The following PROM1 variants were observed in gnomAD, a reference collection of about 807,000 sequenced individuals.
The protein encoded by PROM1 is prominin-1.
PROM1 carries 105 observed loss-of-function variants against 116.9 expected under a neutral mutation model. The observed-to-expected ratio is 0.90, with a 90% CI of 0.77 to 1.06. PROM1 has a LOEUF of 1.06. Among genes scored for constraint, PROM1 ranks in the 50% least tolerant of loss-of-function variants. PROM1 has a pLI of 0.00. For missense variants in PROM1, 1,122 were observed against 1,045.2 expected (o/e 1.07, Z -1.01); for synonymous variants, 393 against 387.0 (o/e 1.02, Z -0.18).
At chr4:15,970,978 T>C (rs1204258913) in intron 27 of PROM1, 65 bp downstream of exon 27, 1 of 1,267,302 alleles carries the variant, frequency 7.9e-7, no homozygotes, top group Non-Finnish European at 1.1e-6. Context: ...TAGCTATGTT[T>C]TGATGTTCTA....
chr4:16,050,504 C>G (rs1330659388), intron 2 of PROM1, among the ~76,000 whole-genome samples: 3 of 152,124 alleles, frequency 2.0e-5, no homozygotes, highest in African/African-American at 7.2e-5. Flanking sequence ...CCGTCATGTG[C>G]CACCACATCC....
chr4:16,017,913 T>C (rs1045789199), intron 9 of PROM1, among the ~76,000 whole-genome samples: 1 of 152,246 alleles, frequency 6.6e-6, no homozygotes. Context: ...CTTCATGTAA[T>C]CCAAGTTGTT....
At chr4:15,972,043 A>AT (rs1714684947) in intron 26 of PROM1, 1 of 152,204 alleles carries the variant, frequency 6.6e-6, no homozygotes, top group Admixed American at 6.5e-5. Flanking sequence ...GAAGGACTGT[A>AT]GGCTCTGGCA....
Position 15,979,426 on chromosome 4 carries a change from C to T in PROM1, c.2551G>A (p.Val851Ile), listed in dbSNP as rs201910962. Reference protein sequence around the residue: ...NGNNGYHKDHVYGIHNPVMTS... With the variant: ...NGNNGYHKDHIYGIHNPVMTS... ...ATAACAGGATTGTGAATACCATATA[C>T]ATGATCTTTATGATAACCATTATTA... Residue 851 changes from valine (V) to isoleucine (I), a missense_variant, in exon 26 of 28, where the codon GTA becomes ATA. Transcript: ENST00000447510. The T allele has an allele frequency of 5.9e-5, 95 of 1,613,228 alleles. No individual in the cohort carries two copies. In the East Asian group the frequency reaches 2.1e-3, roughly 36 times the overall value.
At chr4:15,987,755 G>T in intron 19 of PROM1, 39 bp from the exon 20 acceptor site, 1 of 1,541,938 alleles carries the variant, frequency 6.5e-7, no homozygotes, top group Non-Finnish European at 8.9e-7. Flanking sequence ...ATTATTACAT[G>T]AAGCAGCAAG....
intron 11 of PROM1, among the ~76,000 whole-genome samples, chr4:16,012,487 A>G (rs1727134724): frequency 6.6e-6 from 1 of 152,182 alleles, no homozygotes; most frequent in Non-Finnish European, 1.5e-5. Context: ...CAACCTAAGG[A>G]GCCTAAAATA....
intron 23 of PROM1, among the ~76,000 whole-genome samples, chr4:15,982,058 T>C (rs1718103936): frequency 6.6e-6 from 1 of 152,228 alleles, no homozygotes; most frequent in Non-Finnish European, 1.5e-5. Context: ...ACACACAATG[T>C]ATAGATGTCA....
At chr4:16,016,026 GGAA>G in intron 10 of PROM1, 137 bp downstream of exon 10, 1 of 703,728 alleles carries the variant, frequency 1.4e-6, no homozygotes. Context: ...ACAATTGCCT[GGAA>G]GGTAATAGCT....
intron 8 of PROM1, among the ~76,000 whole-genome samples, chr4:16,019,311 A>AAATTTTG (rs546872792): frequency 1.3e-5 from 2 of 152,252 alleles, no homozygotes; most frequent in South Asian, 2.1e-4. Context: ...ATCGTACTTC[A>AAATTTTG]AATTTTGAAT....
chr4:16,080,337 G>A (rs183834733), intron 1 of PROM1, among the ~76,000 whole-genome samples: 2,808 of 151,520 alleles, frequency 0.019, 98 homozygotes, highest in African/African-American at 0.065. Flanking sequence ...TGGCTAACAT[G>A]GTGAAACCCT....
intron 27 of PROM1, among the ~76,000 whole-genome samples, chr4:15,970,745 G>A (rs1714322048): frequency 6.6e-6 from 1 of 151,910 alleles, no homozygotes; most frequent in Non-Finnish European, 1.5e-5. Flanking sequence ...CTAATACAAT[G>A]TAAGTGTTAT....
intron 4 of PROM1, 67 bp downstream of exon 4, chr4:16,035,668 T>G: frequency 7.0e-7 from 1 of 1,428,598 alleles, no homozygotes. Flanking sequence ...ATCTTCACAG[T>G]GAGGATGACA....
chr4:16,013,444 A>C, intron 10 of PROM1, 106 bp from the exon 11 acceptor site: 1 of 743,358 alleles, frequency 1.3e-6, no homozygotes, highest in Non-Finnish European at 2.4e-6. Context: ...AAATAAAAAT[A>C]TAACATTCAT....
chr4:16,016,108 C>G, intron 10 of PROM1, 58 bp downstream of exon 10: 1 of 1,402,508 alleles, frequency 7.1e-7, no homozygotes, highest in East Asian at 2.5e-5. Flanking sequence ...TTCTTATGTA[C>G]TAGTCCACCC....
At chr4:16,007,226 A>T (rs1309469585) in intron 12 of PROM1, among the ~76,000 whole-genome samples, 1 of 152,228 alleles carries the variant, frequency 6.6e-6, no homozygotes, top group East Asian at 1.9e-4. Context: ...ACCAGATTAC[A>T]TGGCAGATGC....
At chr4:16,060,026 A>G (rs374487292) in intron 2 of PROM1, among the ~76,000 whole-genome samples, 2 of 152,200 alleles carry the variant, frequency 1.3e-5, no homozygotes, top group African/African-American at 4.8e-5. Flanking sequence ...ACAAGACCAT[A>G]TACACATGTT....
intron 27 of PROM1, among the ~76,000 whole-genome samples, chr4:15,970,391 T>C (rs1233626804): frequency 6.6e-6 from 1 of 152,038 alleles, no homozygotes; most frequent in East Asian, 1.9e-4. Context: ...CAGGCTGGTT[T>C]TGAGCTCCTG....
chr4:16,011,311 T>G (rs1233279840), intron 11 of PROM1, among the ~76,000 whole-genome samples: 1 of 152,050 alleles, frequency 6.6e-6, no homozygotes, highest in African/African-American at 2.4e-5. Context: ...CATGGCTGGC[T>G]AAAGGACAAG....
chr4:15,985,992 A>C lies in PROM1; in HGVS notation c.2176T>G (p.Phe726Val), dbSNP rs549135307. 2 of 1,401,886 alleles carry C rather than the reference A, an allele frequency of 1.4e-6. No homozygotes were observed. Among genetic ancestry groups the C allele is most frequent in the Non-Finnish European group, 1.9e-6 (2 of 1,052,760 alleles). 86.8% of individuals were successfully genotyped at this position (1,401,886 alleles called of 1,614,324 possible). The change falls in exon 21 of 28, where the codon TTC becomes GTC. Residue 726 changes from phenylalanine to valine, a missense_variant. Coordinates refer to ENST00000447510, the MANE Select transcript of PROM1 (RefSeq NM_006017.3). ...ACAGAGGAAGTATTGTTTGTGATGA[A>C]GTTCTGAGCAAAATCCAGAGAAGCT... is the stretch of plus-strand genomic sequence containing the variant. ...ILASLDFAQN[F>V]ITNNTSSVII...
Sources: gnomAD v4.1 joint callset for allele counts (sites outside exome capture counted in the v4.1 genomes callset) on GRCh38, gnomAD v4.1.1 for gene constraint, MANE v1.5 for transcripts, NCBI Gene and HGNC (gene_info 2026-07-23, HGNC 2026-07-21) for gene names.